CTNNA2: variants seen among roughly 807,000 people sequenced by gnomAD.
The protein encoded by CTNNA2 is catenin alpha 2, also known as catenin alpha-2.
A neutral mutation model predicts 101.0 loss-of-function variants in CTNNA2; 42 were observed. The ratio of observed to expected loss-of-function variants is 0.42; its 90% CI spans 0.32 to 0.54. The LOEUF is 0.54. Among genes scored for constraint, CTNNA2 ranks in the 20% least tolerant of loss-of-function variants. CTNNA2 has a pLI of 0.14. For synonymous variants in CTNNA2, 450 were observed against 456.4 expected (o/e 0.99, Z 0.18); for missense variants, 871 against 1,223.1 (o/e 0.71, Z 4.29).
chr2:80,031,069 T>C (rs906614834), intron 7 of CTNNA2, among the ~76,000 whole-genome samples: 5 of 152,204 alleles, frequency 3.3e-5, no homozygotes, highest in Admixed American at 6.5e-5. Flanking sequence ...TTTTTTAATG[T>C]GCATATCTTT....
intron 2 of CTNNA2, among the ~76,000 whole-genome samples, chr2:79,299,464 G>T (rs1676057474): frequency 6.6e-6 from 1 of 152,174 alleles, no homozygotes; most frequent in Non-Finnish European, 1.5e-5. Context: ...CAGGTTAATT[G>T]AATTTTTATA....
chr2:79,622,679 A>C (rs1039728070), intron 1 of CTNNA2, among the ~76,000 whole-genome samples: 3 of 152,206 alleles, frequency 2.0e-5, no homozygotes, highest in African/African-American at 7.2e-5. Context: ...ATAGTGGTTC[A>C]TGAGGGTGAC....
chr2:79,253,147 A>G (rs1310795179), intron 2 of CTNNA2, among the ~76,000 whole-genome samples: 1 of 152,152 alleles, frequency 6.6e-6, no homozygotes, highest in Non-Finnish European at 1.5e-5. Flanking sequence ...AGTCAGATGA[A>G]TTGTAAGGTT....
intron 7 of CTNNA2, among the ~76,000 whole-genome samples, chr2:80,339,593 T>C (rs1672050014): frequency 6.6e-6 from 1 of 152,186 alleles, no homozygotes; most frequent in Non-Finnish European, 1.5e-5. Flanking sequence ...CTCAAGAATA[T>C]ATGTTGCATA....
At chr2:80,517,267 G>A (rs1413304462) in intron 9 of CTNNA2, among the ~76,000 whole-genome samples, 1 of 152,184 alleles carries the variant, frequency 6.6e-6, no homozygotes, top group East Asian at 1.9e-4. Context: ...GTCAGCCCTG[G>A]AGGCTCATTT....
chr2:79,608,385 A>G (rs908033618), intron 1 of CTNNA2, among the ~76,000 whole-genome samples: 5 of 152,108 alleles, frequency 3.3e-5, no homozygotes, highest in Non-Finnish European at 5.9e-5. Context: ...ATTGAAGATA[A>G]GGTAGTCATT....
intron 13 of CTNNA2, among the ~76,000 whole-genome samples, chr2:80,576,787 GAA>G (rs1292269180): frequency 8.1e-5 from 10 of 123,140 alleles, no homozygotes; most frequent in African/African-American, 2.9e-4. Flanking sequence ...TGTCTCTACT[GAA>G]AAAAAAAAAA....
At chr2:80,057,229 G>A (rs1437287854) in intron 7 of CTNNA2, among the ~76,000 whole-genome samples, 1 of 145,670 alleles carries the variant, frequency 6.9e-6, no homozygotes, top group African/African-American at 2.6e-5. Context: ...TTCAAGATTA[G>A]ACCTCCCCCT....
At chr2:79,596,221 CT>C (rs1462325233) in intron 1 of CTNNA2, among the ~76,000 whole-genome samples, 1 of 151,940 alleles carries the variant, frequency 6.6e-6, no homozygotes, top group Non-Finnish European at 1.5e-5. Context: ...CTGCCTGGAA[CT>C]TAGCAGGTGC....
At chr2:79,359,204 T>C (rs1677572835) in intron 3 of CTNNA2, among the ~76,000 whole-genome samples, 1 of 152,084 alleles carries the variant, frequency 6.6e-6, no homozygotes, top group Admixed American at 6.6e-5. Context: ...AAGTGGGAGA[T>C]TACATAAGAA....
chr2:79,664,956 C>G (rs1385792355), intron 2 of CTNNA2, among the ~76,000 whole-genome samples: 2 of 152,068 alleles, frequency 1.3e-5, no homozygotes, highest in East Asian at 3.9e-4. Context: ...CGTGATCCGC[C>G]CGTCTCGGCC....
At chr2:79,839,061 T>A (rs1679608235) in intron 3 of CTNNA2, among the ~76,000 whole-genome samples, 1 of 152,082 alleles carries the variant, frequency 6.6e-6, no homozygotes, top group Non-Finnish European at 1.5e-5. Context: ...CGCACCCTAT[T>A]CTGAATTGCA....
intron 9 of CTNNA2, 33 bp downstream of exon 9, chr2:80,419,634 A>G (rs1315777512): frequency 6.2e-7 from 1 of 1,610,396 alleles, no homozygotes. Flanking sequence ...ACTAGAGTTT[A>G]CCGATGGGTT....
At chr2:80,645,084 C>T (rs1186637738) in intron 18 of CTNNA2, among the ~76,000 whole-genome samples, 1 of 152,164 alleles carries the variant, frequency 6.6e-6, no homozygotes, top group Non-Finnish European at 1.5e-5. Flanking sequence ...GCAATATCAT[C>T]TTGTTCTATT....
intron 4 of CTNNA2, among the ~76,000 whole-genome samples, chr2:79,441,164 A>T (rs1678773942): frequency 6.6e-6 from 1 of 152,146 alleles, no homozygotes; most frequent in Non-Finnish European, 1.5e-5. Context: ...ACTAATTTAA[A>T]TACAAGTATT....
chr2:80,304,907 CAAAAAAAAA>C (rs56174873), intron 7 of CTNNA2, among the ~76,000 whole-genome samples: 6 of 73,846 alleles, frequency 8.1e-5, no homozygotes, highest in Non-Finnish European at 1.6e-4. Flanking sequence ...GTCCATATTT[CAAAAAAAAA>C]AAAAAAAAAA....
At chr2:79,400,004 T>C (rs1678272447) in intron 4 of CTNNA2, among the ~76,000 whole-genome samples, 1 of 152,036 alleles carries the variant, frequency 6.6e-6, no homozygotes, top group African/African-American at 2.4e-5. Context: ...CCAAAGTGGT[T>C]GGAGCACAGC....
intron 2 of CTNNA2, among the ~76,000 whole-genome samples, chr2:79,299,013 A>T (rs1205710361): frequency 6.6e-6 from 1 of 152,216 alleles, no homozygotes; most frequent in Non-Finnish European, 1.5e-5. Flanking sequence ...AGAACAATTT[A>T]TCATCATTAA....
chr2:80,188,502 G>A (rs891932133), intron 7 of CTNNA2, among the ~76,000 whole-genome samples: 1 of 152,116 alleles, frequency 6.6e-6, no homozygotes, highest in African/African-American at 2.4e-5. Flanking sequence ...CTGGAGATTA[G>A]AAGTCCAATA....
Sources: allele counts gnomAD v4.1 joint callset (sites outside exome capture counted in the v4.1 genomes callset), GRCh38; gene constraint gnomAD v4.1.1; transcripts MANE v1.5; gene names NCBI Gene and HGNC (gene_info 2026-07-23, HGNC 2026-07-21).